TFEC: variants seen among roughly 807,000 people sequenced by gnomAD.
TFEC encodes the protein class E basic helix-loop-helix protein 34.
TFEC carries 31 observed loss-of-function variants against 41.6 expected under a neutral mutation model. The ratio of observed to expected loss-of-function variants is 0.74; its 90% CI spans 0.56 to 1.01. TFEC has a LOEUF of 1.01. Among genes scored for constraint, TFEC ranks in the 50% least tolerant of loss-of-function variants. The probability of loss-of-function intolerance (pLI) is 0.00; values close to 1 mark genes in which losing one functional copy is unlikely to be tolerated. For synonymous variants in TFEC, 143 were observed against 140.6 expected, an observed-to-expected ratio of 1.02 and a Z score of -0.12; for missense variants, 402 against 404.1, an observed-to-expected ratio of 0.99 and a Z score of 0.04.
At chr7:115,988,316 T>A (rs1221180395) in intron 1 of TFEC, among the ~76,000 whole-genome samples, 1 of 151,734 alleles carries the variant, frequency 6.6e-6, no homozygotes, top group Non-Finnish European at 1.5e-5. Context: ...TGCTAATAGA[T>A]AAAGTAGCCA....
intron 2 of TFEC, among the ~76,000 whole-genome samples, chr7:115,982,246 A>G (rs1314471823): frequency 6.6e-6 from 1 of 152,074 alleles, no homozygotes; most frequent in Non-Finnish European, 1.5e-5. Context: ...GGCAACAGAC[A>G]CCATCTCCTG....
At chr7:116,155,662 A>C (rs191600435) in intron 1 of TFEC, among the ~76,000 whole-genome samples, 40 of 152,320 alleles carry the variant, frequency 2.6e-4, no homozygotes, top group African/African-American at 9.6e-4. Context: ...GCATCTCCAA[A>C]GCACGGTCCT....
In TFEC at chr7:115,983,913, T is replaced by C. The variant is rs190934014; in HGVS notation, c.180+349A>G. Among the ~76,000 whole-genome samples, 5 of 152,244 alleles carry C rather than the reference T, an allele frequency of 3.3e-5. No individual in the cohort carries two copies. The East Asian group carries it at 9.6e-4, about 29-fold the overall frequency. Reference sequence around the variant, plus strand: ...TTAAGTAATTTCTGTCTGTTTTATGTTAATGGATATTTAAGACAATTTAAC... The same window carrying C: ...TTAAGTAATTTCTGTCTGTTTTATGCTAATGGATATTTAAGACAATTTAAC... On this transcript the variant is annotated intron_variant, in intron 2 of 7. Coordinates refer to ENST00000265440, the MANE Select transcript of TFEC (RefSeq NM_012252.4).
At chr7:116,062,225 C>CTTTTTTTTTTTTTT (rs569480964) in intron 3 of TFEC, among the ~76,000 whole-genome samples, 26 of 51,914 alleles carry the variant, frequency 5.0e-4, no homozygotes, top group African/African-American at 6.7e-4. Context: ...CATGCCTGGC[C>CTTTTTTTTTTTTTT]TTTTTTTTTT....
intron 1 of TFEC, among the ~76,000 whole-genome samples, chr7:116,127,868 A>G (rs79316020): frequency 0.019 from 2,869 of 151,042 alleles, 83 homozygotes; most frequent in African/African-American, 0.066. Flanking sequence ...ACACACCCAC[A>G]CCCCACTTTT....
At chr7:116,095,099 G>C (rs1423918771) in intron 3 of TFEC, among the ~76,000 whole-genome samples, 1 of 152,050 alleles carries the variant, frequency 6.6e-6, no homozygotes, top group Non-Finnish European at 1.5e-5. Context: ...TCATTAAAAT[G>C]GTATCCAAGA....
At chr7:116,005,184 A>G (rs1269036563) in intron 1 of TFEC, among the ~76,000 whole-genome samples, 1 of 152,224 alleles carries the variant, frequency 6.6e-6, no homozygotes, top group Non-Finnish European at 1.5e-5. Context: ...AACTGGTACC[A>G]GTAAAGTGGG....
intron 3 of TFEC, among the ~76,000 whole-genome samples, chr7:116,078,735 A>C (rs1797019079): frequency 6.6e-6 from 1 of 152,126 alleles, no homozygotes; most frequent in Admixed American, 6.6e-5. Flanking sequence ...ACAGATTCAC[A>C]GCTGAATTCT....
intron 3 of TFEC, among the ~76,000 whole-genome samples, chr7:116,078,524 T>C (rs1234507149): frequency 6.6e-6 from 1 of 151,822 alleles, no homozygotes; most frequent in Non-Finnish European, 1.5e-5. Context: ...ACCACAGAAA[T>C]ACAAAAGATT....
At chr7:116,050,842 G>A (rs1283187701) in intron 3 of TFEC, among the ~76,000 whole-genome samples, 1 of 152,182 alleles carries the variant, frequency 6.6e-6, no homozygotes, top group African/African-American at 2.4e-5. Context: ...AAAGACACAT[G>A]CACATGTATT....
chr7:116,052,986 G>A (rs535953882), intron 3 of TFEC, among the ~76,000 whole-genome samples: 1 of 151,780 alleles, frequency 6.6e-6, no homozygotes, highest in South Asian at 2.1e-4. Context: ...GCAGGAGAAC[G>A]GCATGAACCT....
intron 2 of TFEC, among the ~76,000 whole-genome samples, chr7:115,974,763 G>C (rs1793306338): frequency 6.6e-6 from 1 of 151,674 alleles, no homozygotes; most frequent in African/African-American, 2.4e-5. Flanking sequence ...GTACATTCCT[G>C]TAGATATAGA....
chr7:115,985,848 C>T (rs111735456), intron 1 of TFEC, among the ~76,000 whole-genome samples: 47 of 151,996 alleles, frequency 3.1e-4, no homozygotes, highest in African/African-American at 1.1e-3. Context: ...TTTATATTAT[C>T]CTACTGTTCT....
Position 115,954,638 on chromosome 7 carries a change from A to T in TFEC, c.387T>A (p.Thr129=). Residue 129 remains threonine (T), a synonymous_variant, in exon 5 of 8, where the codon ACT becomes ACA. Coordinates refer to ENST00000265440, the MANE Select transcript of TFEC (RefSeq NM_012252.4). ...SLPMKREITE[T]DTRALAKERQ... is the part of the protein sequence containing the mutation. ...TCTCTTTTGCTAAAGCTCTAGTGTCAGTTTCTGATCAAAAGAAAAATAATA... is the reference window on the plus strand; with the variant it reads ...TCTCTTTTGCTAAAGCTCTAGTGTCTGTTTCTGATCAAAAGAAAAATAATA... The T allele has an allele frequency of 6.2e-7, 1 of 1,611,228 alleles. No homozygotes were observed. The highest frequency in any genetic ancestry group is 2.2e-5 in the East Asian group (1 of 44,720).
intron 3 of TFEC, among the ~76,000 whole-genome samples, chr7:116,086,603 A>G (rs932896196): frequency 1.3e-5 from 2 of 151,642 alleles, no homozygotes; most frequent in Non-Finnish European, 2.9e-5. Context: ...CTGTAATGCT[A>G]TAAGACACCA....
chr7:116,127,683 G>T (rs1379282118), intron 1 of TFEC, among the ~76,000 whole-genome samples: 2 of 125,582 alleles, frequency 1.6e-5, no homozygotes, highest in Non-Finnish European at 3.2e-5. Context: ...CAGAGTGAGA[G>T]TCAGTGTCAA....
At chr7:115,980,263 C>T (rs1793566812) in intron 2 of TFEC, among the ~76,000 whole-genome samples, 1 of 152,278 alleles carries the variant, frequency 6.6e-6, no homozygotes, top group East Asian at 1.9e-4. Flanking sequence ...TCTCTCTCTA[C>T]TGTCCATCTG....
chr7:116,098,229 G>T (rs531682603), intron 3 of TFEC, among the ~76,000 whole-genome samples: 1 of 151,468 alleles, frequency 6.6e-6, no homozygotes, highest in East Asian at 1.9e-4. Context: ...TCACGATCTC[G>T]GCTCACTGCA....
chr7:116,051,902 A>C (rs1796321406), intron 3 of TFEC, among the ~76,000 whole-genome samples: 2 of 152,074 alleles, frequency 1.3e-5, no homozygotes, highest in Admixed American at 6.6e-5. Flanking sequence ...AGTGAGCCAC[A>C]GGTTCTCAGG....
Sources: allele counts gnomAD v4.1 joint callset (sites outside exome capture counted in the v4.1 genomes callset), GRCh38; gene constraint gnomAD v4.1.1; transcripts MANE v1.5; gene names NCBI Gene and HGNC (gene_info 2026-07-23, HGNC 2026-07-21).